The following HOXB3 variants were observed in gnomAD, a reference collection of about 807,000 sequenced individuals.
HOXB3 encodes homeobox protein Hox-B3.
Under a neutral mutation model 29.2 loss-of-function variants are expected in HOXB3, and 17 were observed. The ratio of observed to expected loss-of-function variants is 0.58; its 90% CI spans 0.40 to 0.87. The LOEUF is 0.87. HOXB3 is among the 40% of genes least tolerant of loss of function. The pLI, the probability that HOXB3 is intolerant of heterozygous loss-of-function variation, is 0.00. For synonymous variants in HOXB3, 317 were observed against 285.9 expected, an observed-to-expected ratio of 1.11 and a Z score of -1.10; for missense variants, 637 against 616.3, an observed-to-expected ratio of 1.03 and a Z score of -0.35.
At position 48,549,068 on chromosome 17, in the gene HOXB3, G is replaced by A. The variant is rs557678051; in HGVS notation, c.*1266C>T. 2 of 152,768 alleles carry A rather than the reference G, an allele frequency of 1.3e-5. No homozygotes were observed. The highest frequency in any genetic ancestry group is 1.3e-4 in the Admixed American group (2 of 15,312). The allele number at this position is 152,768 out of a possible 1,614,324, so 9.5% of individuals were successfully genotyped here. On this transcript the variant is annotated 3_prime_UTR_variant, in exon 5 of 5. Coordinates refer to ENST00000498678, the MANE Select transcript of HOXB3 (RefSeq NM_001384749.1). The stretch of plus-strand genomic sequence containing the variant: ...TAATTACAATTGTTCGTAAGTACGA[G>A]TTTAACATAAATCTACAGCTCTTTT...
intron 2 of HOXB3, among the ~76,000 whole-genome samples, chr17:48,568,426 C>T (rs925828081): frequency 6.6e-6 from 1 of 152,188 alleles, no homozygotes; most frequent in African/African-American, 2.4e-5. Context: ...ATAGAGCTTT[C>T]ATATTAACTG....
chr17:48,561,619 G>A (rs1364604867), intron 2 of HOXB3, among the ~76,000 whole-genome samples: 3 of 152,244 alleles, frequency 2.0e-5, no homozygotes, highest in Non-Finnish European at 4.4e-5. Flanking sequence ...ACACAGAGGT[G>A]CCCAATTTCA....
Position 48,550,138 on chromosome 17 carries a change from A to C in HOXB3, c.*196T>G. ...ATTCCTTTCCGATGGGTTGGCAGGC[A>C]GATGGAACAAGGGGTGGAAGACTTA... On this transcript the variant is annotated 3_prime_UTR_variant, in exon 5 of 5. Coordinates refer to ENST00000498678, the MANE Select transcript of HOXB3 (RefSeq NM_001384749.1). 1.6e-6 allele frequency: 1 copy of C among 636,186 alleles called. No individual in the cohort carries two copies. The highest frequency in any genetic ancestry group is 2.7e-6 in the Non-Finnish European group (1 of 373,352). The allele number at this position is 636,186 out of a possible 1,614,324, so 39.4% of individuals were successfully genotyped here.
intron 2 of HOXB3, among the ~76,000 whole-genome samples, chr17:48,569,357 A>G (rs996621969): frequency 1.3e-5 from 2 of 151,600 alleles, no homozygotes; most frequent in African/African-American, 4.9e-5. Context: ...TGTCTCCCAC[A>G]CTCACATCCA....
chr17:48,556,087 G>C (rs1294677148), intron 2 of HOXB3, among the ~76,000 whole-genome samples: 1 of 151,778 alleles, frequency 6.6e-6, no homozygotes, highest in Admixed American at 6.5e-5. Flanking sequence ...TGGGGAAGGG[G>C]GGAAATTTTA....
chr17:48,558,743 A>G (rs2069089989), intron 2 of HOXB3, among the ~76,000 whole-genome samples: 1 of 151,998 alleles, frequency 6.6e-6, no homozygotes, highest in African/African-American at 2.4e-5. Context: ...GGGGTGGGGG[A>G]CGCCAGAGCA....
At position 48,551,147 on chromosome 17, in the gene HOXB3, G is replaced by A. The variant is rs557227249; in HGVS notation, c.483C>T (p.Gly161=). The change falls in exon 5 of 5, where the codon GGC becomes GGT. Residue 161 remains glycine, a synonymous_variant. Transcript: ENST00000498678. ...CCCCGCTGCCACCACTGCCTCCGCC[G>A]CCGCCGCCACCGCCGCCGCCACCAC... ...EGCGGGGGGG[G]GGGSGGSGGG... 9 of 1,297,164 alleles carry A rather than the reference G, an allele frequency of 6.9e-6. No individual in the cohort carries two copies. In the African/African-American group the frequency reaches 7.7e-5, roughly 11 times the overall value. 80.4% of individuals were successfully genotyped at this position (1,297,164 alleles called of 1,614,324 possible).
At position 48,554,440 on chromosome 17, in the gene HOXB3, G is replaced by A; in HGVS notation, c.-159+1091C>T. 1.7e-6 allele frequency: 1 copy of A among 588,222 alleles called. No homozygotes were observed. Among genetic ancestry groups the A allele is most frequent in the Non-Finnish European group, 3.0e-6 (1 of 330,102 alleles). The allele number at this position is 588,222 out of a possible 1,614,324, so 36.4% of individuals were successfully genotyped here. A position where few individuals can be genotyped will look rare whatever the true frequency, so the allele number is the denominator to read the frequency against. On this transcript the variant is annotated intron_variant, in intron 3 of 4. Coordinates refer to ENST00000498678, the MANE Select transcript of HOXB3 (RefSeq NM_001384749.1). This position sits in a 1 kb window ranked among gnomAD's most constrained non-coding sequence, Gnocchi z 4.1. ...CCCTTGCAATAAACCCCAAACCATC[G>A]CGGGACGGAGGCCAGGCGAGTGTGG...
chr17:48,588,918 C>A lies in HOXB3; in HGVS notation c.-425+1207G>T, dbSNP rs563401345. The stretch of plus-strand genomic sequence containing the variant: ...ATCCTTGTCCCAAAGATCAGAAGCC[C>A]CTCGAGGTGCCACATATCCAATCCC... On this transcript the variant is annotated intron_variant, in intron 1 of 4. Coordinates refer to ENST00000498678, the MANE Select transcript of HOXB3 (RefSeq NM_001384749.1). Among the ~76,000 whole-genome samples the A allele has an allele frequency of 1.8e-3, 271 of 152,222 alleles. 2 individuals are homozygous for A. The highest frequency in any genetic ancestry group is 1.2e-3 in the Non-Finnish European group (83 of 68,004).
chr17:48,565,517 G>T (rs535205471), intron 2 of HOXB3, among the ~76,000 whole-genome samples: 2 of 152,286 alleles, frequency 1.3e-5, no homozygotes, highest in South Asian at 4.1e-4. Context: ...TGTTGTCTCC[G>T]TTCCTTTCTC....
chr17:48,557,121 C>T (rs1329479664), intron 2 of HOXB3: 1 of 152,314 alleles, frequency 6.6e-6, no homozygotes, highest in Non-Finnish European at 1.5e-5. Flanking sequence ...AAGGAAAAGA[C>T]AAAAAGAGCA....
At position 48,554,761 on chromosome 17, in the gene HOXB3, G is replaced by A. The variant is rs1283677624; in HGVS notation, c.-159+770C>T. On this transcript the variant is annotated intron_variant, in intron 3 of 4. Transcript: ENST00000498678. This position sits in a 1 kb window ranked among gnomAD's most constrained non-coding sequence, Gnocchi z 4.1. ...CGGCAGCAAGTTTTGGGAGCTGGAGGTAACCGAATTAAAAGGCGCCTTAGA... is the reference window on the plus strand; with the variant it reads ...CGGCAGCAAGTTTTGGGAGCTGGAGATAACCGAATTAAAAGGCGCCTTAGA... The A allele has an allele frequency of 1.9e-5, 13 of 702,270 alleles. No homozygotes were observed. The highest frequency in any genetic ancestry group is 3.5e-5 in the African/African-American group (2 of 57,266). The allele number at this position is 702,270 out of a possible 1,614,324, so 43.5% of individuals were successfully genotyped here.
At chr17:48,564,457 G>C (rs1014929640) in intron 2 of HOXB3, among the ~76,000 whole-genome samples, 17 of 151,282 alleles carry the variant, frequency 1.1e-4, no homozygotes, top group Non-Finnish European at 1.5e-4. Flanking sequence ...GGCTTTGTTC[G>C]GCCTCCAGGG....
intron 1 of HOXB3, chr17:48,578,181 T>C (rs995124632): frequency 6.2e-7 from 1 of 1,611,944 alleles, no homozygotes; most frequent in African/African-American, 1.3e-5. Context: ...GGCTGGAAGC[T>C]GCTCTCTCGC....
intron 2 of HOXB3, among the ~76,000 whole-genome samples, chr17:48,556,060 G>A (rs1597820409): frequency 6.6e-6 from 1 of 151,986 alleles, no homozygotes; most frequent in East Asian, 1.9e-4. Flanking sequence ...GATAAGGAGG[G>A]AAGGTGATGG....
chr17:48,587,818 C>CA (rs916712258), intron 1 of HOXB3, among the ~76,000 whole-genome samples: 147 of 152,094 alleles, frequency 9.7e-4, no homozygotes, highest in African/African-American at 3.3e-3. Context: ...TAAAACAAAA[C>CA]AAAAAAAATC....
chr17:48,586,084 GT>G (rs1436158522), intron 1 of HOXB3, among the ~76,000 whole-genome samples: 2 of 152,248 alleles, frequency 1.3e-5, no homozygotes, highest in Non-Finnish European at 2.9e-5. Context: ...GGGAGAGGCA[GT>G]CCAGAGGGCG....
At chr17:48,563,912 C>T (rs2069289169) in intron 2 of HOXB3, among the ~76,000 whole-genome samples, 1 of 151,858 alleles carries the variant, frequency 6.6e-6, no homozygotes, top group African/African-American at 2.4e-5. Context: ...CCCCCAACTG[C>T]CCTGGAAAAC....
chr17:48,555,806 CG>C (rs1430934330), intron 2 of HOXB3, among the ~76,000 whole-genome samples, 188 bp from the exon 3 acceptor site: 1 of 151,644 alleles, frequency 6.6e-6, no homozygotes. Flanking sequence ...GGTGGGGGAG[CG>C]GGAAAAAAAA....
Sources: allele counts gnomAD v4.1 joint callset (sites outside exome capture counted in the v4.1 genomes callset), GRCh38; gene constraint gnomAD v4.1.1; non-coding constraint Gnocchi (gnomAD v3.1); transcripts MANE v1.5; gene names NCBI Gene and HGNC (gene_info 2026-07-23, HGNC 2026-07-21).